HSP90AB1: variants seen among roughly 807,000 people sequenced by gnomAD.
The protein encoded by HSP90AB1 is heat shock protein HSP 90-beta.
HSP90AB1 carries 17 observed loss-of-function variants against 67.8 expected under a neutral mutation model. That is an observed-to-expected ratio of 0.25 (90% confidence interval 0.17 to 0.38). The LOEUF (loss-of-function observed/expected upper bound fraction) is 0.38, where lower values mean the gene tolerates loss of function less well. Ranked by LOEUF, HSP90AB1 falls within the 10% of genes least tolerant of loss-of-function variation. HSP90AB1 has a pLI of 1.00. For synonymous variants in HSP90AB1, 390 were observed against 312.9 expected, an observed-to-expected ratio of 1.25 and a Z score of -2.60; for missense variants, 690 against 899.9, an observed-to-expected ratio of 0.77 and a Z score of 2.98.
chr6:44,246,532 C>T (rs1779924924), upstream of HSP90AB1, among the ~76,000 whole-genome samples: 1 of 152,196 alleles, frequency 6.6e-6, no homozygotes, highest in African/African-American at 2.4e-5. Flanking sequence ...CCGGCCGGCG[C>T]CCTCCCCCTA....
At position 44,250,357 on chromosome 6, in the gene HSP90AB1, G is replaced by A. The variant is rs781247161; in HGVS notation, c.715G>A (p.Glu239Lys). Residue 239 changes from glutamate (E) to lysine (K), a missense_variant, in exon 6 of 12, where the codon GAG becomes AAG. By Grantham distance (56) the Glu-to-Lys change is moderately conservative. Coordinates refer to ENST00000371646, the MANE Select transcript of HSP90AB1 (RefSeq NM_007355.4). ...EAEEEKGEKE[E>K]EDKDDEEKPK... ...AGAGGAAGAGAAAGGTGAGAAAGAA[G>A]AGGAAGATAAAGATGATGAAGAAAA... 13 of 1,613,666 alleles carry A rather than the reference G, an allele frequency of 8.1e-6. No homozygotes were observed. Among genetic ancestry groups the A allele is most frequent in the African/African-American group, 5.3e-5 (4 of 74,928 alleles).
intron 1 of HSP90AB1, among the ~76,000 whole-genome samples, chr6:44,247,594 C>T (rs1780074950): frequency 6.6e-6 from 1 of 152,332 alleles, no homozygotes; most frequent in African/African-American, 2.4e-5. Flanking sequence ...TCAGCACGGC[C>T]TTGTGGGACT....
Position 44,248,473 on chromosome 6 carries a change from C to G in HSP90AB1, c.1-157C>G, listed in dbSNP as rs999747159. On this transcript the variant is annotated intron_variant, in intron 1 of 11. Transcript: ENST00000371646. ...TCCCACTTAGTGTGTAGTCTGAGAT[C>G]TTTAAGAGAATGCATTTTTAGTCTT... is the stretch of plus-strand genomic sequence containing the variant. 13 of 582,264 alleles carry G rather than the reference C, an allele frequency of 2.2e-5. No homozygotes were observed. In the African/African-American group the frequency reaches 2.2e-4, roughly 10 times the overall value. 36.1% of individuals were successfully genotyped at this position (582,264 alleles called of 1,614,324 possible). A position where few individuals can be genotyped will look rare whatever the true frequency, so the allele number is the denominator to read the frequency against.
At position 44,250,074 on chromosome 6, in the gene HSP90AB1, A is replaced by C. The variant is rs752366722; in HGVS notation, c.568A>C (p.Thr190Pro). 3.7e-6 allele frequency: 6 copies of C among 1,614,056 alleles called. No individual in the cohort carries two copies. Among genetic ancestry groups the C allele is most frequent in the Non-Finnish European group, 5.1e-6 (6 of 1,179,984 alleles). ...GATCCTCCATCTTAAAGAAGATCAG[A>C]CAGAGTACCTAGAAGAGAGGCGGGT... ...KVILHLKEDQ[T>P]EYLEERRVKE... The change falls in exon 5 of 12, where the codon ACA becomes CCA. Residue 190 changes from threonine to proline, a missense_variant. Physicochemically the swap from Thr to Pro is conservative, Grantham distance 38. Coordinates refer to ENST00000371646, the MANE Select transcript of HSP90AB1 (RefSeq NM_007355.4).
At position 44,251,460 on chromosome 6, in the gene HSP90AB1, A is replaced by G; in HGVS notation, c.1166A>G (p.Asn389Ser). 6.2e-7 allele frequency: 1 copy of G among 1,609,538 alleles called. No individual in the cohort carries two copies. Among genetic ancestry groups the G allele is most frequent in the Non-Finnish European group, 8.5e-7 (1 of 1,177,408 alleles). Residue 389 changes from asparagine to serine, a missense_variant, in exon 8 of 12, where the codon AAC becomes AGC. Physicochemically the swap from Asn to Ser is conservative, Grantham distance 46. Coordinates refer to ENST00000371646, the MANE Select transcript of HSP90AB1 (RefSeq NM_007355.4). ...GTTGACTCTGAGGATCTGCCCCTGA[A>G]CATCTCCCGAGAAATGCTCCAGCAG... is the stretch of plus-strand genomic sequence containing the variant. ...GVVDSEDLPL[N>S]ISREMLQQSK...
chr6:44,249,324 AG>A, intron 2 of HSP90AB1, 52 bp from the exon 3 acceptor site: 1 of 1,440,510 alleles, frequency 6.9e-7, no homozygotes, highest in South Asian at 1.1e-5. Context: ...TGGGCAACAG[AG>A]CAAGAGTCTG....
rs371199166 is a variant in HSP90AB1, at chr6:44,250,392, C to G, written c.750C>G (p.Ile250Met). The G allele has an allele frequency of 3.1e-6, 5 of 1,613,272 alleles. No homozygotes were observed. Among genetic ancestry groups the G allele is most frequent in the Non-Finnish European group, 4.2e-6 (5 of 1,179,490 alleles). ...AAGATGATGAAGAAAAACCCAAGATCGAAGATGTGGGTTCAGATGAGGAGG... is the reference window on the plus strand; with the variant it reads ...AAGATGATGAAGAAAAACCCAAGATGGAAGATGTGGGTTCAGATGAGGAGG... Reference protein sequence around the residue: ...EDKDDEEKPKIEDVGSDEEDD... With the variant: ...EDKDDEEKPKMEDVGSDEEDD... Residue 250 changes from isoleucine to methionine, a missense_variant, in exon 6 of 12, where the codon ATC (isoleucine) becomes ATG (methionine). Ile to Met is a conservative substitution (Grantham distance 10). Around this residue, in one of 7 missense-constraint regions of HSP90AB1, gnomAD observed 146 missense variants for 143.7 expected, o/e 1.02. Transcript: ENST00000371646.
At chr6:44,246,322 T>C (rs1779899027), upstream of HSP90AB1, 1 of 152,142 alleles carries the variant, frequency 6.6e-6, no homozygotes. Flanking sequence ...AGGATTGGGC[T>C]GGTACCCGCG....
chr6:44,252,380 C>G, intron 10 of HSP90AB1, 113 bp downstream of exon 10: 6 of 928,610 alleles, frequency 6.5e-6, no homozygotes, highest in Admixed American at 2.2e-5. Context: ...TGTTTCATGC[C>G]TTCTTGCCTC....
chr6:44,253,689 T>TC lies in HSP90AB1; in HGVS notation c.*96dup, dbSNP rs764469740. The TC allele has an allele frequency of 3.0e-5, 28 of 927,146 alleles. No homozygotes were observed. Among genetic ancestry groups the TC allele is most frequent in the Non-Finnish European group, 4.7e-5 (26 of 552,480 alleles). The allele number at this position is 927,146 out of a possible 1,614,324, so 57.4% of individuals were successfully genotyped here. On this transcript the variant is annotated 3_prime_UTR_variant, in exon 12 of 12. Transcript: ENST00000371646. ...CTCGAGTGCCCCTGTCCCACCTGGC[T>TC]CCCCCTGCTGGTGTCTAGTGTTTTT...
chr6:44,253,663 C>T lies in HSP90AB1; in HGVS notation c.*65C>T, dbSNP rs1781026937. 1.7e-6 allele frequency: 2 copies of T among 1,196,180 alleles called. No individual in the cohort carries two copies. The highest frequency in any genetic ancestry group is 2.5e-6 in the Non-Finnish European group (2 of 798,270). 74.1% of individuals were successfully genotyped at this position (1,196,180 alleles called of 1,614,324 possible). On this transcript the variant is annotated 3_prime_UTR_variant, in exon 12 of 12. Coordinates refer to ENST00000371646, the MANE Select transcript of HSP90AB1 (RefSeq NM_007355.4). ...GTGTCCCCATGGGCTCCCACTGCAG[C>T]CTCGAGTGCCCCTGTCCCACCTGGC...
In HSP90AB1 at chr6:44,253,690, C is replaced by CGAG. The variant is rs762064827; in HGVS notation, c.*92_*93insGAG. 9.8e-6 allele frequency: 9 copies of CGAG among 920,484 alleles called. No homozygotes were observed. The highest frequency in any genetic ancestry group is 1.6e-5 in the Non-Finnish European group (9 of 546,276). The allele number at this position is 920,484 out of a possible 1,614,324, so 57.0% of individuals were successfully genotyped here. On this transcript the variant is annotated 3_prime_UTR_variant, in exon 12 of 12. Transcript: ENST00000371646. The stretch of plus-strand genomic sequence containing the variant: ...TCGAGTGCCCCTGTCCCACCTGGCT[C>CGAG]CCCCTGCTGGTGTCTAGTGTTTTTT...
intron 10 of HSP90AB1, among the ~76,000 whole-genome samples, chr6:44,252,653 A>G (rs778874176): frequency 9.2e-5 from 14 of 151,702 alleles, no homozygotes; most frequent in Admixed American, 5.9e-4. Flanking sequence ...CCGCCACCAC[A>G]CCCCGGCTAA....
Position 44,250,004 on chromosome 6 carries a change from G to T in HSP90AB1, c.515-17G>T. 6.2e-7 allele frequency: 1 copy of T among 1,613,888 alleles called. No individual in the cohort carries two copies. The highest frequency in any genetic ancestry group is 8.5e-7 in the Non-Finnish European group (1 of 1,179,798). ...ATACTTTTTACCCTGTTACACGCTTGTAATTGACTCTTCTAGGTGAGCCCA... is the reference window on the plus strand; with the variant it reads ...ATACTTTTTACCCTGTTACACGCTTTTAATTGACTCTTCTAGGTGAGCCCA... On this transcript the variant is annotated splice_polypyrimidine_tract_variant and intron_variant, in intron 4 of 11. Coordinates refer to ENST00000371646, the MANE Select transcript of HSP90AB1 (RefSeq NM_007355.4).
chr6:44,248,547 G>A, intron 1 of HSP90AB1, 83 bp from the exon 2 acceptor site: 1 of 1,312,342 alleles, frequency 7.6e-7, no homozygotes, highest in Non-Finnish European at 1.1e-6. Flanking sequence ...ACTGTCTAAG[G>A]TCCTAACAAA....
At chr6:44,252,388 C>A in intron 10 of HSP90AB1, 121 bp downstream of exon 10, 2 of 853,480 alleles carry the variant, frequency 2.3e-6, no homozygotes, top group Non-Finnish European at 3.7e-6. Flanking sequence ...GCCTTCTTGC[C>A]TCTTGTTCTC....
Position 44,251,271 on chromosome 6 carries a change from C to G in HSP90AB1, c.1123+58C>G. On this transcript the variant is annotated intron_variant, in intron 7 of 11. Coordinates refer to ENST00000371646, the MANE Select transcript of HSP90AB1 (RefSeq NM_007355.4). ...GAAGTCTTGGGAGGTTTTAGGCATT[C>G]TGCTAGGATATTCTAAGGTAACAGT... The G allele has an allele frequency of 8.2e-6, 13 of 1,584,880 alleles. No homozygotes were observed. In the South Asian group the frequency reaches 1.1e-4, roughly 13 times the overall value.
chr6:44,252,277 T>C lies in HSP90AB1; in HGVS notation c.1731+10T>C, dbSNP rs751352318. ...TAAGAAGGTTGAGAAGGTAAGCCAT[T>C]CTGGGGCTAGGATATATTTTGTAAC... On this transcript the variant is annotated intron_variant, in intron 10 of 11. Transcript: ENST00000371646. 6.2e-7 allele frequency: 1 copy of C among 1,611,586 alleles called. No homozygotes were observed. The highest frequency in any genetic ancestry group is 8.5e-7 in the Non-Finnish European group (1 of 1,179,226).
Position 44,251,125 on chromosome 6 carries a change from G to A in HSP90AB1, c.1035G>A (p.Glu345=). 6.2e-7 allele frequency: 1 copy of A among 1,614,088 alleles called. No individual in the cohort carries two copies. Among genetic ancestry groups the A allele is most frequent in the Non-Finnish European group, 8.5e-7 (1 of 1,179,960 alleles). Residue 345 remains glutamate, a synonymous_variant, in exon 7 of 12, where the codon GAG becomes GAA. Coordinates refer to ENST00000371646, the MANE Select transcript of HSP90AB1 (RefSeq NM_007355.4). The stretch of plus-strand genomic sequence containing the variant: ...GTCGGGCTCCCTTTGACCTTTTTGA[G>A]AACAAGAAGAAAAAGAACAACATCA... The part of the protein sequence containing the change: ...IPRRAPFDLF[E]NKKKKNNIKL...
Sources: gnomAD v4.1 joint callset for allele counts (sites outside exome capture counted in the v4.1 genomes callset) on GRCh38, gnomAD v4.1.1 for gene constraint, gnomAD v4.1.1 regional missense constraint, MANE v1.5 for transcripts, NCBI Gene and HGNC (gene_info 2026-07-23, HGNC 2026-07-21) for gene names.